RBBP8NL: variants seen among roughly 807,000 people sequenced by gnomAD.
RBBP8NL encodes the protein RBBP8 N-terminal like.
RBBP8NL carries 59 observed loss-of-function variants against 62.2 expected under a neutral mutation model. That is an observed-to-expected ratio of 0.95 (90% confidence interval 0.77 to 1.18). The LOEUF (loss-of-function observed/expected upper bound fraction) is 1.18, where lower values mean the gene tolerates loss of function less well. Ranked by LOEUF, RBBP8NL falls within the 50% of genes most tolerant of loss-of-function variation. RBBP8NL has a pLI of 0.00. For synonymous variants in RBBP8NL, 412 were observed against 394.1 expected (o/e 1.05, Z -0.54); for missense variants, 896 against 899.5 (o/e 1.00, Z 0.05).
At chr20:62,422,132 G>C (rs542246513) in intron 1 of RBBP8NL, among the ~76,000 whole-genome samples, 2 of 152,110 alleles carry the variant, frequency 1.3e-5, no homozygotes, top group South Asian at 4.1e-4. Flanking sequence ...ATCCAACTTC[G>C]GGCTCGCAGC....
chr20:62,424,300 G>GC (rs1988763772), intron 1 of RBBP8NL, among the ~76,000 whole-genome samples: 1 of 152,054 alleles, frequency 6.6e-6, no homozygotes, highest in African/African-American at 2.4e-5. Flanking sequence ...GGCCGTGGGG[G>GC]GGGCAGGTGT....
In RBBP8NL at chr20:62,413,434, G is replaced by A; in HGVS notation, c.1642C>T (p.His548Tyr). The change falls in exon 11 of 14, where the codon CAC (histidine) becomes TAC (tyrosine). Residue 548 changes from histidine (H) to tyrosine (Y), a missense_variant. Coordinates refer to ENST00000252998, the MANE Select transcript of RBBP8NL (RefSeq NM_080833.3). Reference sequence around the variant, plus strand: ...CCGTCCAGGTCAGGCGGCTGTGGGTGGGGAGGCGGCTGTGGGTGGGGAGGT... The same window carrying A: ...CCGTCCAGGTCAGGCGGCTGTGGGTAGGGAGGCGGCTGTGGGTGGGGAGGT... Reference protein sequence around the residue: ...LPPPHPQPPPHPQPPDLDGHP... With the variant: ...LPPPHPQPPPYPQPPDLDGHP... The A allele has an allele frequency of 6.8e-7, 1 of 1,461,364 alleles. No individual in the cohort carries two copies. Among genetic ancestry groups the A allele is most frequent in the African/African-American group, 1.4e-5 (1 of 69,148 alleles). 90.5% of individuals were successfully genotyped at this position (1,461,364 alleles called of 1,614,324 possible).
chr20:62,426,352 T>C (rs1016371732), intron 1 of RBBP8NL, among the ~76,000 whole-genome samples: 1 of 152,254 alleles, frequency 6.6e-6, no homozygotes, highest in African/African-American at 2.4e-5. Context: ...CCTCTGCACC[T>C]TGACCCGCTT....
At chr20:62,426,024 GGCATT>G in intron 1 of RBBP8NL, among the ~76,000 whole-genome samples, 1 of 142,518 alleles carries the variant, frequency 7.0e-6, no homozygotes, top group African/African-American at 2.7e-5. Context: ...CAGCGGCAGT[GGCATT>G]AGCAGTGGCA....
rs890016547 is a variant in RBBP8NL at position 62,414,975 on chromosome 20, C to A, written c.794+146G>T. ...CACTCTGGAGGTGTCCACGTGGGAA[C>A]TTTGCTCCAGGCTGGGTGCCCAGAA... On this transcript the variant is annotated intron_variant, in intron 9 of 13. Transcript: ENST00000252998. 9 of 878,110 alleles carry A rather than the reference C, an allele frequency of 1.0e-5. No individual in the cohort carries two copies. The African/African-American group carries it at 1.6e-4, about 15-fold the overall frequency. 54.4% of individuals were successfully genotyped at this position (878,110 alleles called of 1,614,324 possible).
intron 10 of RBBP8NL, 45 bp from the exon 11 acceptor site, chr20:62,413,590 C>T: frequency 6.7e-7 from 1 of 1,497,938 alleles, no homozygotes; most frequent in Non-Finnish European, 8.9e-7. Context: ...TGGGAGACTT[C>T]CTTGCCGCCA....
chr20:62,414,159 C>T lies in RBBP8NL; in HGVS notation c.1192G>A (p.Glu398Lys). ...AGAGCTGCCCTGGTCCCCTCATTCT[C>T]AGGGCCCTCAGAGTCTGAGCCGACT... ...LPVGSDSEGP[E>K]NEGTRAALAA... The change falls in exon 10 of 14, where the codon GAG becomes AAG. Residue 398 changes from glutamate to lysine, a missense_variant. Glu to Lys is a moderately conservative substitution (Grantham distance 56). Coordinates refer to ENST00000252998, the MANE Select transcript of RBBP8NL (RefSeq NM_080833.3). 1 of 1,608,158 alleles carries T rather than the reference C, an allele frequency of 6.2e-7. No homozygotes were observed. Among genetic ancestry groups the T allele is most frequent in the Non-Finnish European group, 8.5e-7 (1 of 1,178,752 alleles).
Position 62,413,556 on chromosome 20 carries a change from G to A in RBBP8NL, c.1531-11C>T. ...TGGGCGTGAGGGGTCCTGGGGGGAG[G>A]CAAGTAGGTGGCTTGAGTTTATTTG... On this transcript the variant is annotated splice_polypyrimidine_tract_variant and intron_variant, in intron 10 of 13. Coordinates refer to ENST00000252998, the MANE Select transcript of RBBP8NL (RefSeq NM_080833.3). 2 of 1,514,038 alleles carry A rather than the reference G, an allele frequency of 1.3e-6. No individual in the cohort carries two copies. The highest frequency in any genetic ancestry group is 1.3e-5 in the South Asian group (1 of 75,754). 93.8% of individuals were successfully genotyped at this position (1,514,038 alleles called of 1,614,324 possible). A position where few individuals can be genotyped will look rare whatever the true frequency, so the allele number is the denominator to read the frequency against.
In RBBP8NL at chr20:62,416,210, C is replaced by T. The variant is rs1387936865; in HGVS notation, c.340G>A (p.Glu114Lys). 6.2e-7 allele frequency: 1 copy of T among 1,610,254 alleles called. No homozygotes were observed. Among genetic ancestry groups the T allele is most frequent in the African/African-American group, 1.3e-5 (1 of 74,704 alleles). The change falls in exon 6 of 14, where the codon GAG becomes AAG. Residue 114 changes from glutamate (E) to lysine (K), a missense_variant. Coordinates refer to ENST00000252998, the MANE Select transcript of RBBP8NL (RefSeq NM_080833.3). The stretch of plus-strand genomic sequence containing the variant: ...ACCTCCTCCTTCAAGGTCTCGTTCT[C>T]TTCCTTCAGCCCGTTCATCTCGTTG... ...LTNEMNGLKE[E>K]NETLKEEVKR... is the part of the protein sequence containing the mutation.
intron 1 of RBBP8NL, among the ~76,000 whole-genome samples, chr20:62,421,475 CCAAGTCAG>C (rs1440775540): frequency 7.5e-6 from 1 of 133,482 alleles, no homozygotes; most frequent in Non-Finnish European, 1.5e-5. Context: ...GTGTGCATGC[CCAAGTCAG>C]TGTGCATGTG....
Position 62,412,772 on chromosome 20 carries a change from G to A in RBBP8NL, c.1747-19C>T, listed in dbSNP as rs779873372. 1.3e-5 allele frequency: 21 copies of A among 1,612,782 alleles called. No individual in the cohort carries two copies. Among genetic ancestry groups the A allele is most frequent in the Non-Finnish European group, 1.7e-5 (20 of 1,180,004 alleles). On this transcript the variant is annotated intron_variant, in intron 12 of 13. Transcript: ENST00000252998. ...GGCCCACCTGGGGAGAAGGGGGTGT[G>A]GTCACGAGGAGGACTGCCTCCTGGC...
chr20:62,412,844 T>C lies in RBBP8NL; in HGVS notation c.1732A>G (p.Thr578Ala), dbSNP rs756740605. The C allele has an allele frequency of 3.1e-6, 5 of 1,613,466 alleles. No homozygotes were observed. In the Admixed American group the frequency reaches 8.3e-5, roughly 27 times the overall value. The change falls in exon 12 of 14, where the codon ACC becomes GCC. Residue 578 changes from threonine (T) to alanine (A), a missense_variant. Coordinates refer to ENST00000252998, the MANE Select transcript of RBBP8NL (RefSeq NM_080833.3). ...PESDELDETDTPGSEVGLSSQ... is the reference protein window; with the variant it reads ...PESDELDETDAPGSEVGLSSQ... ...CCTGGACCCACCTCGCTGCCTGGGG[T>C]GTCTGTCTCATCCAGTTCGTCGGAC...
At chr20:62,417,377 C>A in intron 3 of RBBP8NL, 58 bp from the exon 4 acceptor site, 1 of 1,370,512 alleles carries the variant, frequency 7.3e-7, no homozygotes, top group South Asian at 1.3e-5. Flanking sequence ...CACACGCTGT[C>A]CCCACCATCC....
At chr20:62,416,051 C>G in intron 6 of RBBP8NL, 106 bp from the exon 7 acceptor site, 2 of 1,463,072 alleles carry the variant, frequency 1.4e-6, no homozygotes, top group Non-Finnish European at 1.9e-6. Flanking sequence ...GCAGCTGTCC[C>G]GACACTGCCT....
intron 1 of RBBP8NL, among the ~76,000 whole-genome samples, chr20:62,423,555 A>G (rs1022519215): frequency 5.3e-5 from 8 of 152,110 alleles, no homozygotes; most frequent in African/African-American, 1.4e-4. Flanking sequence ...AGCATCTGCC[A>G]TGTGGGCTGG....
chr20:62,414,595 GA>G, intron 9 of RBBP8NL, 39 bp from the exon 10 acceptor site: 1 of 1,396,512 alleles, frequency 7.2e-7, no homozygotes, highest in Non-Finnish European at 9.3e-7. Flanking sequence ...TGGCTGTGTG[GA>G]GCCGTGACCG....
intron 1 of RBBP8NL, among the ~76,000 whole-genome samples, chr20:62,426,515 G>A (rs1316870605): frequency 6.6e-6 from 1 of 152,256 alleles, no homozygotes; most frequent in African/African-American, 2.4e-5. Context: ...GGACACTGAG[G>A]CTTGAAGCAG....
At chr20:62,420,865 C>T (rs1034161946) in intron 1 of RBBP8NL, among the ~76,000 whole-genome samples, 5 of 152,260 alleles carry the variant, frequency 3.3e-5, no homozygotes, top group South Asian at 2.1e-4. Flanking sequence ...TGTGGTCTCA[C>T]GGACTAAGGC....
chr20:62,418,626 G>T (rs1457174690), intron 2 of RBBP8NL, among the ~76,000 whole-genome samples, 161 bp from the exon 3 acceptor site: 1 of 152,194 alleles, frequency 6.6e-6, no homozygotes, highest in African/African-American at 2.4e-5. Context: ...CCCAGGCACG[G>T]GGCTGCCTGA....
Sources: gnomAD v4.1 joint callset for allele counts (sites outside exome capture counted in the v4.1 genomes callset) on GRCh38, gnomAD v4.1.1 for gene constraint, MANE v1.5 for transcripts, NCBI Gene and HGNC (gene_info 2026-07-23, HGNC 2026-07-21) for gene names.